The following SASH1 variants were observed in gnomAD, a reference collection of about 807,000 sequenced individuals.
SASH1 encodes SAM and SH3 domain containing 1.
In SASH1, 44 loss-of-function variants were observed where a neutral mutation model predicts 125.2. The observed-to-expected ratio is 0.35, with a 90% confidence interval of 0.28 to 0.45. The LOEUF is 0.45. Among genes scored for constraint, SASH1 ranks in the 20% least tolerant of loss-of-function variants. The pLI, the probability that SASH1 is intolerant of heterozygous loss-of-function variation, is 1.00. For synonymous variants in SASH1, 639 were observed against 649.1 expected (o/e 0.98, Z 0.24); for missense variants, 1,426 against 1,614.5 (o/e 0.88, Z 2.00).
chr6:148,329,879 G>C (rs1041455920), intron 1 of SASH1, among the ~76,000 whole-genome samples: 11 of 152,020 alleles, frequency 7.2e-5, no homozygotes, highest in African/African-American at 2.4e-4. Flanking sequence ...AACAGGAATG[G>C]GAGTGTCTCT....
At chr6:148,387,917 T>A (rs1474549436) in intron 1 of SASH1, among the ~76,000 whole-genome samples, 1 of 131,044 alleles carries the variant, frequency 7.6e-6, no homozygotes, top group African/African-American at 2.9e-5. Context: ...TTTTTTTTTT[T>A]TTTTTTTTTT....
At chr6:148,294,741 C>T (rs1441034719) in intron 1 of SASH1, among the ~76,000 whole-genome samples, 6 of 152,034 alleles carry the variant, frequency 3.9e-5, no homozygotes, top group Admixed American at 2.6e-4. Context: ...TAAGGAGGAA[C>T]GAGAGGGGAG....
At chr6:148,446,354 C>T (rs1424038597) in intron 4 of SASH1, among the ~76,000 whole-genome samples, 3 of 152,054 alleles carry the variant, frequency 2.0e-5, no homozygotes, top group African/African-American at 7.2e-5. Context: ...ATGATCCGCC[C>T]GCCTTGGCCT....
At chr6:148,292,760 G>A (rs1335570107) in intron 1 of SASH1, among the ~76,000 whole-genome samples, 2 of 152,114 alleles carry the variant, frequency 1.3e-5, no homozygotes, top group Non-Finnish European at 2.9e-5. Flanking sequence ...AAAGGTCTAT[G>A]TGAATCAGGG....
intron 2 of SASH1, among the ~76,000 whole-genome samples, chr6:148,400,818 C>T (rs1008931798): frequency 3.3e-5 from 5 of 152,162 alleles, no homozygotes; most frequent in South Asian, 2.1e-4. Context: ...AGGTTTCTCT[C>T]GCTCCCTCTC....
chr6:148,476,514 T>C (rs539473018), intron 7 of SASH1, among the ~76,000 whole-genome samples: 40 of 152,206 alleles, frequency 2.6e-4, no homozygotes, highest in African/African-American at 8.7e-4. Context: ...AAACCCCGTC[T>C]CCACTAAAAA....
chr6:148,419,143 C>T (rs1411431760), intron 2 of SASH1, among the ~76,000 whole-genome samples: 5 of 152,196 alleles, frequency 3.3e-5, no homozygotes, highest in Non-Finnish European at 2.9e-5. Context: ...TAAGCATTTA[C>T]ATGTGAAGGC....
In SASH1 at chr6:148,354,779, G is replaced by A. The variant is rs574166851; in HGVS notation, c.156+11556G>A. Among the ~76,000 whole-genome samples, 7 of 151,856 alleles carry A rather than the reference G, an allele frequency of 4.6e-5. No homozygotes were observed. The East Asian group carries it at 5.8e-4, about 13-fold the overall frequency. ...TTATTTTATTTTATTTTATTTTCCC[G>A]CGAGATGGAGTCTTGCTCTGTCACC... is the stretch of plus-strand genomic sequence containing the variant. On this transcript the variant is annotated intron_variant, in intron 1 of 19. Transcript: ENST00000367467.
chr6:148,484,831 T>C (rs1778774880), intron 7 of SASH1, among the ~76,000 whole-genome samples: 2 of 152,056 alleles, frequency 1.3e-5, no homozygotes, highest in Non-Finnish European at 2.9e-5. Flanking sequence ...TAGTCCCAGC[T>C]ACTCGGGAGG....
intron 7 of SASH1, among the ~76,000 whole-genome samples, chr6:148,485,594 G>A (rs137917967): frequency 1.3e-5 from 2 of 152,262 alleles, no homozygotes; most frequent in Admixed American, 6.5e-5. Flanking sequence ...TGGAGGAACC[G>A]AAACATAGAG....
In SASH1 at chr6:148,285,519, A is replaced by G. The variant is rs1246694618; in HGVS notation, n.74+13142A>G. On this transcript the variant is annotated intron_variant and non_coding_transcript_variant, in intron 1 of 3. Transcript: ENST00000367469. ...ACTTTACAGGTTTTGTCCAGTATTG[A>G]TGCTGCCCTTGCTATTTTTCCCAAA... is the stretch of plus-strand genomic sequence containing the variant. Among the ~76,000 whole-genome samples, 4 of 152,138 alleles carry G rather than the reference A, an allele frequency of 2.6e-5. No homozygotes were observed. The East Asian group carries it at 7.7e-4, about 29-fold the overall frequency.
At chr6:148,540,987 GT>G (rs1228918020) in intron 17 of SASH1, among the ~76,000 whole-genome samples, 1 of 152,046 alleles carries the variant, frequency 6.6e-6, no homozygotes, top group Non-Finnish European at 1.5e-5. Context: ...CACATGTCTT[GT>G]TTGTGGCCTC....
chr6:148,310,626 A>G (rs984914334), intron 1 of SASH1, among the ~76,000 whole-genome samples: 3 of 152,204 alleles, frequency 2.0e-5, no homozygotes, highest in Non-Finnish European at 2.9e-5. Flanking sequence ...TTTGCAAAGT[A>G]TGTATTTGAT....
the SASH1 span, among the ~76,000 whole-genome samples, chr6:148,219,874 G>A: frequency 2.5e-3 from 379 of 152,298 alleles, 1 homozygote; most frequent in Non-Finnish European, 4.3e-3. Context: ...GGGAGGGTCC[G>A]GGATGGGAGT....
At chr6:148,425,700 T>TTCTCCCCTCCCATCCCCC (rs1775783600) in intron 2 of SASH1, among the ~76,000 whole-genome samples, 1 of 23,802 alleles carries the variant, frequency 4.2e-5, no homozygotes, top group South Asian at 1.6e-3. Flanking sequence ...TCCCCTCCCC[T>TTCTCCCCTCCCATCCCCC]TCTCCCCTCC....
chr6:148,409,224 C>T (rs758223054), intron 2 of SASH1, among the ~76,000 whole-genome samples: 8 of 152,190 alleles, frequency 5.3e-5, no homozygotes, highest in Non-Finnish European at 1.0e-4. Flanking sequence ...ATCTCTGTGT[C>T]CTTCAGACCA....
At chr6:148,271,614 G>A (rs1203871322), upstream of SASH1, among the ~76,000 whole-genome samples, 2 of 152,086 alleles carry the variant, frequency 1.3e-5, no homozygotes, top group African/African-American at 4.8e-5. Context: ...CTTCTTTTCA[G>A]GGTTATTAAA....
chr6:148,221,915 G>C, the SASH1 span, among the ~76,000 whole-genome samples: 7 of 152,090 alleles, frequency 4.6e-5, no homozygotes, highest in African/African-American at 1.7e-4. Context: ...ACTCTTCCTC[G>C]TAGTAGCCTT....
chr6:148,374,015 G>A (rs1026640901), intron 1 of SASH1, among the ~76,000 whole-genome samples: 2 of 152,130 alleles, frequency 1.3e-5, no homozygotes, highest in Non-Finnish European at 2.9e-5. Context: ...AAAAACAGTT[G>A]AACTGCTGTG....
Sources: allele counts gnomAD v4.1 joint callset (sites outside exome capture counted in the v4.1 genomes callset), GRCh38; gene constraint gnomAD v4.1.1; transcripts MANE v1.5; gene names NCBI Gene and HGNC (gene_info 2026-07-23, HGNC 2026-07-21).